CLIC1: variants seen among roughly 807,000 people sequenced by gnomAD.
CLIC1 encodes CLIC family member 1.
Under a neutral mutation model 26.4 loss-of-function variants are expected in CLIC1, and 16 were observed. That is an observed-to-expected ratio of 0.61 (90% confidence interval 0.41 to 0.92). The LOEUF (loss-of-function observed/expected upper bound fraction) is 0.92, where lower values mean the gene tolerates loss of function less well. Among genes scored for constraint, CLIC1 ranks in the 40% least tolerant of loss-of-function variants. CLIC1 has a pLI of 0.00. For missense variants in CLIC1, 225 were observed against 289.7 expected, an observed-to-expected ratio of 0.78 and a Z score of 1.62; for synonymous variants, 98 against 120.8, an observed-to-expected ratio of 0.81 and a Z score of 1.24.
rs761059310 is a variant in CLIC1 at position 31,733,521 on chromosome 6, T to C, written c.382+45A>G. The stretch of plus-strand genomic sequence containing the variant: ...CTAATGTCTCCTACCCGCTGGGTCC[T>C]CTCTATTCCTCCCAGGACCCAGGCC... On this transcript the variant is annotated intron_variant, in intron 4 of 5. Coordinates refer to ENST00000375784, the Ensembl canonical transcript of CLIC1. This position sits in a 1 kb window ranked among gnomAD's most constrained non-coding sequence, Gnocchi z 5.4. 1 of 1,449,048 alleles carries C rather than the reference T, an allele frequency of 6.9e-7. No individual in the cohort carries two copies. Among genetic ancestry groups the C allele is most frequent in the South Asian group, 1.1e-5 (1 of 87,510 alleles). The allele number at this position is 1,449,048 out of a possible 1,614,324, so 89.8% of individuals were successfully genotyped here.
chr6:31,730,723 G>C lies in CLIC1; in HGVS notation c.*119C>G. 9.4e-7 allele frequency: 1 copy of C among 1,061,042 alleles called. No individual in the cohort carries two copies. The highest frequency in any genetic ancestry group is 1.5e-5 in the South Asian group (1 of 66,032). 65.7% of individuals were successfully genotyped at this position (1,061,042 alleles called of 1,614,324 possible). A position where few individuals can be genotyped will look rare whatever the true frequency, so the allele number is the denominator to read the frequency against. ...CTTCCACCACACCATCCCGGAACAA[G>C]TGCTCCAGGATTCCCTGCCCACTGG... On this transcript the variant is annotated 3_prime_UTR_variant, in exon 6 of 6. Transcript: ENST00000375784. This position sits in a 1 kb window ranked among gnomAD's most constrained non-coding sequence, Gnocchi z 5.1.
chr6:31,730,595 T>G lies in CLIC1; in HGVS notation c.*247A>C. 2.0e-6 allele frequency: 1 copy of G among 509,418 alleles called. No homozygotes were observed. Among genetic ancestry groups the G allele is most frequent in the South Asian group, 3.0e-5 (1 of 33,206 alleles). 31.6% of individuals were successfully genotyped at this position (509,418 alleles called of 1,614,324 possible). A position where few individuals can be genotyped will look rare whatever the true frequency, so the allele number is the denominator to read the frequency against. On this transcript the variant is annotated 3_prime_UTR_variant, in exon 6 of 6. Coordinates refer to ENST00000375784, the Ensembl canonical transcript of CLIC1. This position sits in a 1 kb window ranked among gnomAD's most constrained non-coding sequence, Gnocchi z 5.1. Reference sequence around the variant, plus strand: ...TTAAATCCCCATTGCGTAAAAACACTTGATTTTTATTCTGTATTTTATTAC... The same window carrying G: ...TTAAATCCCCATTGCGTAAAAACACGTGATTTTTATTCTGTATTTTATTAC...
At position 31,734,261 on chromosome 6, in the gene CLIC1, A is replaced by G. The variant is rs1449105481; in HGVS notation, c.42T>C (p.Ala14=). Residue 14 remains alanine (A), a splice_region_variant and synonymous_variant, in exon 2 of 6, where the codon GCT becomes GCC. Coordinates refer to ENST00000375784, the Ensembl canonical transcript of CLIC1. This position sits in a 1 kb window ranked among gnomAD's most constrained non-coding sequence, Gnocchi z 5.3. ...TCCCAATCTTGGCCCCATCACTGCC[A>G]GCCTGAAAAGTAACCCCAACCCAAG... 2 of 1,613,532 alleles carry G rather than the reference A, an allele frequency of 1.2e-6. No homozygotes were observed. The highest frequency in any genetic ancestry group is 1.3e-5 in the African/African-American group (1 of 74,936).
Position 31,736,477 on chromosome 6 carries a change from A to G in CLIC1, c.-177T>C, listed in dbSNP as rs1808341420. ...CAAACTAGGCCTCCCCACCAGCCCA[A>G]CGCACCCCACACCCAGCTCCTCCAG... On this transcript the variant is annotated 5_prime_UTR_variant, in exon 1 of 6. Coordinates refer to ENST00000375784, the Ensembl canonical transcript of CLIC1. This position sits in a 1 kb window ranked among gnomAD's most constrained non-coding sequence, Gnocchi z 5.0. 4 of 1,411,850 alleles carry G rather than the reference A, an allele frequency of 2.8e-6. No homozygotes were observed. The highest frequency in any genetic ancestry group is 3.7e-6 in the Non-Finnish European group (4 of 1,080,704). The allele number at this position is 1,411,850 out of a possible 1,614,324, so 87.5% of individuals were successfully genotyped here. A position where few individuals can be genotyped will look rare whatever the true frequency, so the allele number is the denominator to read the frequency against.
rs1197563595 is a variant in CLIC1, at chr6:31,734,663, CAG to C, written c.40-402_40-401del. On this transcript the variant is annotated intron_variant, in intron 1 of 5. Coordinates refer to ENST00000375784, the Ensembl canonical transcript of CLIC1. The surrounding 1 kb of genome is among the most constrained non-coding windows in gnomAD (Gnocchi z 5.3). The stretch of plus-strand genomic sequence containing the variant: ...GGAGAGGTGGGTGGGGTTTGGGAGC[CAG>C]AGTTTTGGTTCTCTACACCTCCAAT... Among the ~76,000 whole-genome samples the C allele has an allele frequency of 5.3e-5, 8 of 152,262 alleles. No homozygotes were observed. The highest frequency in any genetic ancestry group is 3.4e-3 in the Middle Eastern group (1 of 294).
chr6:31,737,075 G>A (rs752089391), upstream of CLIC1: 3 of 317,040 alleles, frequency 9.5e-6, no homozygotes, highest in Non-Finnish European at 1.4e-5. Flanking sequence ...TCCGGGCCCA[G>A]CTCAGCACTA....
chr6:31,730,604 A>G lies in CLIC1; in HGVS notation c.*238T>C, dbSNP rs112304772. On this transcript the variant is annotated 3_prime_UTR_variant, in exon 6 of 6. Transcript: ENST00000375784. This position sits in a 1 kb window ranked among gnomAD's most constrained non-coding sequence, Gnocchi z 5.1. ...CATTGCGTAAAAACACTTGATTTTT[A>G]TTCTGTATTTTATTACTGAAATATG... is the stretch of plus-strand genomic sequence containing the variant. The G allele has an allele frequency of 1.9e-6, 1 of 525,076 alleles. No individual in the cohort carries two copies. The highest frequency in any genetic ancestry group is 2.9e-5 in the South Asian group (1 of 34,338). The allele number at this position is 525,076 out of a possible 1,614,324, so 32.5% of individuals were successfully genotyped here. A position where few individuals can be genotyped will look rare whatever the true frequency, so the allele number is the denominator to read the frequency against.
Position 31,733,045 on chromosome 6 carries a change from C to G in CLIC1, c.382+521G>C, listed in dbSNP as rs1445716564. On this transcript the variant is annotated intron_variant, in intron 4 of 5. Transcript: ENST00000375784. This position sits in a 1 kb window ranked among gnomAD's most constrained non-coding sequence, Gnocchi z 5.4. ...GCTGAGGCAGGAGAATTGCTTGAAC[C>G]CGGCAGGCAGAGGTTGCAGTGAGCT... Among the ~76,000 whole-genome samples, 2 of 151,764 alleles carry G rather than the reference C, an allele frequency of 1.3e-5. No individual in the cohort carries two copies. The highest frequency in any genetic ancestry group is 2.9e-5 in the Non-Finnish European group (2 of 67,934).
At position 31,730,841 on chromosome 6, in the gene CLIC1, CTTAT is replaced by C. The variant is rs768596350; in HGVS notation, c.723_726del (p.Ter242ProfsTer?). 4 of 1,612,980 alleles carry C rather than the reference CTTAT, an allele frequency of 2.5e-6. No homozygotes were observed. The highest frequency in any genetic ancestry group is 3.4e-6 in the Non-Finnish European group (4 of 1,179,988). ...GGGGTTGAGGGAGTCCCAGGAGGGG[CTTAT>C]TTGAGGGCCTTTGCCACTTGCTCAT... On this transcript the variant is annotated frameshift_variant and stop_lost, in exon 6 of 6. Transcript: ENST00000375784. LOFTEE classifies it high-confidence loss of function. This position sits in a 1 kb window ranked among gnomAD's most constrained non-coding sequence, Gnocchi z 5.1.
chr6:31,734,139 C>T lies in CLIC1; in HGVS notation c.149+15G>A. 6 of 1,608,122 alleles carry T rather than the reference C, an allele frequency of 3.7e-6. No individual in the cohort carries two copies. The highest frequency in any genetic ancestry group is 5.1e-6 in the Non-Finnish European group (6 of 1,174,540). On this transcript the variant is annotated intron_variant, in intron 2 of 5. Transcript: ENST00000375784. This position sits in a 1 kb window ranked among gnomAD's most constrained non-coding sequence, Gnocchi z 5.3. ...TGTACACCAGGGGTGTTTCAAGGAA[C>T]ATAAGCAGGCCTACCTTTTGGTGTC... is the stretch of plus-strand genomic sequence containing the variant.
chr6:31,730,664 G>A lies in CLIC1; in HGVS notation c.*178C>T. The stretch of plus-strand genomic sequence containing the variant: ...TCATCCCACCCCACAATAAAAATCT[G>A]ACCCAGGCCCCCCATTTCTTTCCCT... On this transcript the variant is annotated 3_prime_UTR_variant, in exon 6 of 6. Transcript: ENST00000375784. The surrounding 1 kb of genome is among the most constrained non-coding windows in gnomAD (Gnocchi z 5.1). 1.6e-6 allele frequency: 1 copy of A among 620,056 alleles called. No homozygotes were observed. The highest frequency in any genetic ancestry group is 2.1e-5 in the South Asian group (1 of 47,208). 38.4% of individuals were successfully genotyped at this position (620,056 alleles called of 1,614,324 possible).
Position 31,735,807 on chromosome 6 carries a change from C to CCACACACACACACACACACACA in CLIC1, c.39+433_39+454dup, listed in dbSNP as rs9281564. Reference sequence around the variant, plus strand: ...ACCGTCTTCCCTGAAGCGTCTCCATCCACACACACACACACACACACACAC... The same window carrying CCACACACACACACACACACACA: ...ACCGTCTTCCCTGAAGCGTCTCCATCCACACACACACACACACACACACACACACACACACACACACACACAC... On this transcript the variant is annotated intron_variant, in intron 1 of 5. Transcript: ENST00000375784. Among the ~76,000 whole-genome samples, 3 of 124,980 alleles carry CCACACACACACACACACACACA rather than the reference C, an allele frequency of 2.4e-5. No individual in the cohort carries two copies. The East Asian group carries it at 7.4e-4, about 31-fold the overall frequency. 82.0% of individuals were successfully genotyped at this position (124,980 alleles called of 152,430 possible).
In CLIC1 at chr6:31,734,540, A is replaced by G. The variant is rs1583867197; in HGVS notation, c.40-277T>C. On this transcript the variant is annotated intron_variant, in intron 1 of 5. Coordinates refer to ENST00000375784, the Ensembl canonical transcript of CLIC1. This position sits in a 1 kb window ranked among gnomAD's most constrained non-coding sequence, Gnocchi z 5.3. ...TCCTGGAGAACTTGGGAGGATCTGA[A>G]TCCTAGAGAGGGAAGGGTGTGGAAC... 6.6e-6 allele frequency among the ~76,000 whole-genome samples: 1 copy of G among 152,182 alleles called. No individual in the cohort carries two copies. The highest frequency in any genetic ancestry group is 2.1e-4 in the South Asian group (1 of 4,830).
Position 31,734,182 on chromosome 6 carries a change from A to G in CLIC1, c.121T>C (p.Phe41Leu). 1 of 1,613,958 alleles carries G rather than the reference A, an allele frequency of 6.2e-7. No homozygotes were observed. The highest frequency in any genetic ancestry group is 8.5e-7 in the Non-Finnish European group (1 of 1,179,806). Residue 41 changes from phenylalanine to leucine, a missense_variant, in exon 2 of 6, where the codon TTC (phenylalanine) becomes CTC (leucine). By Grantham distance (22) the Phe-to-Leu change is conservative. Transcript: ENST00000375784. The surrounding 1 kb of genome is among the most constrained non-coding windows in gnomAD (Gnocchi z 5.3). Reference sequence around the variant, plus strand: ...TTGGTGTCAACGGTGGTAACATTGAAGGTGACTCCCTTGAGCCACAGTACC... The same window carrying G: ...TTGGTGTCAACGGTGGTAACATTGAGGGTGACTCCCTTGAGCCACAGTACC...
chr6:31,735,911 C>A (rs1038684437), intron 1 of CLIC1, among the ~76,000 whole-genome samples: 7 of 151,594 alleles, frequency 4.6e-5, no homozygotes, highest in Non-Finnish European at 8.8e-5. Flanking sequence ...ACTGAGGTTC[C>A]CCTCTGTCCC....
rs1444670067 is a variant in CLIC1 at position 31,734,774 on chromosome 6, G to A, written c.40-511C>T. Among the ~76,000 whole-genome samples, 1 of 152,098 alleles carries A rather than the reference G, an allele frequency of 6.6e-6. No individual in the cohort carries two copies. Among genetic ancestry groups the A allele is most frequent in the African/African-American group, 2.4e-5 (1 of 41,420 alleles). On this transcript the variant is annotated intron_variant, in intron 1 of 5. Transcript: ENST00000375784. This position sits in a 1 kb window ranked among gnomAD's most constrained non-coding sequence, Gnocchi z 5.3. ...GTGGAGGGCCCTACAGAGAGGGGCT[G>A]CCCTCTAATTAGCAAGTGGTGACCT...
intron 1 of CLIC1, among the ~76,000 whole-genome samples, chr6:31,735,512 C>A (rs1247994261): frequency 2.0e-5 from 3 of 151,930 alleles, no homozygotes; most frequent in Non-Finnish European, 4.4e-5. Context: ...AAGTCTTCTA[C>A]TTCTCCAACC....
chr6:31,735,807 C>CCACACACACACACACACACACACA (rs9281564), intron 1 of CLIC1, among the ~76,000 whole-genome samples: 1 of 124,894 alleles, frequency 8.0e-6, no homozygotes, highest in East Asian at 2.5e-4. Context: ...GCGTCTCCAT[C>CCACACACACACACACACACACACA]CACACACACA....
chr6:31,731,904 G>A (rs1807983738), intron 5 of CLIC1, among the ~76,000 whole-genome samples: 1 of 152,218 alleles, frequency 6.6e-6, no homozygotes, highest in African/African-American at 2.4e-5. Context: ...AGCCTGCTCT[G>A]TCTAATCTGG....
Sources: gnomAD v4.1 joint callset for allele counts (sites outside exome capture counted in the v4.1 genomes callset) on GRCh38, gnomAD v4.1.1 for gene constraint, Gnocchi (gnomAD v3.1) non-coding constraint, MANE v1.5 for transcripts, NCBI Gene and HGNC (gene_info 2026-07-23, HGNC 2026-07-21) for gene names.